The following RASA3 variants were observed in gnomAD, a reference collection of about 807,000 sequenced individuals.
RASA3 encodes the protein RAS p21 protein activator 3.
A neutral mutation model predicts 110.0 loss-of-function variants in RASA3; 73 were observed. The observed-to-expected ratio is 0.66, with a 90% CI of 0.55 to 0.81. RASA3 has a LOEUF of 0.81. Among genes scored for constraint, RASA3 ranks in the 30% least tolerant of loss-of-function variants. The pLI, the probability that RASA3 is intolerant of heterozygous loss-of-function variation, is 0.00. For missense variants in RASA3, 976 were observed against 1,113.2 expected (o/e 0.88, Z 1.75); for synonymous variants, 500 against 451.4 (o/e 1.11, Z -1.37).
rs138066566 is a variant in RASA3 at position 114,009,322 on chromosome 13, TTTAAAAGA to T, written c.1668+57_1668+64del. On this transcript the variant is annotated intron_variant, in intron 17 of 23. Coordinates refer to ENST00000334062, the MANE Select transcript of RASA3 (RefSeq NM_007368.4). ...TGTGTCATGTGGGTTCTATCTCAATTTTAAAAGAGAACTCCGTCTCCTGAGCACGGCAC... is the reference window on the plus strand; with the variant it reads ...TGTGTCATGTGGGTTCTATCTCAATTGAACTCCGTCTCCTGAGCACGGCAC... 1.6e-3 allele frequency: 2,190 copies of T among 1,344,222 alleles called. 22 individuals are homozygous for T. In the African/African-American group the frequency reaches 0.029, roughly 18 times the overall value. The allele number at this position is 1,344,222 out of a possible 1,614,324, so 83.3% of individuals were successfully genotyped here.
chr13:114,012,852 CCACT>C (rs1456914764), intron 15 of RASA3, among the ~76,000 whole-genome samples: 5 of 133,184 alleles, frequency 3.8e-5, no homozygotes, highest in Non-Finnish European at 6.5e-5. Flanking sequence ...CACACACTCC[CCACT>C]CACTCCTCAT....
chr13:114,117,773 CG>C (rs1324182420), intron 1 of RASA3, among the ~76,000 whole-genome samples: 14 of 90,080 alleles, frequency 1.6e-4, no homozygotes, highest in African/African-American at 5.7e-4. Flanking sequence ...TGTGAGAGCA[CG>C]TGTGTGAGGA....
chr13:114,103,129 CTG>C (rs1286062324), intron 1 of RASA3, among the ~76,000 whole-genome samples: 1 of 152,186 alleles, frequency 6.6e-6, no homozygotes, highest in African/African-American at 2.4e-5. Context: ...GTGACTGTTG[CTG>C]TGTCTGGCAG....
chr13:114,042,905 G>A (rs1387313974), intron 3 of RASA3, among the ~76,000 whole-genome samples: 1 of 152,170 alleles, frequency 6.6e-6, no homozygotes, highest in African/African-American at 2.4e-5. Flanking sequence ...CCCCACAGAC[G>A]AGCAGGCCGG....
chr13:114,031,939 G>A (rs2054177673), intron 4 of RASA3, among the ~76,000 whole-genome samples: 2 of 152,114 alleles, frequency 1.3e-5, no homozygotes, highest in Non-Finnish European at 2.9e-5. Context: ...GATGGAGCAG[G>A]GACCTCGCTT....
At chr13:114,109,581 G>A (rs1298038084) in intron 1 of RASA3, among the ~76,000 whole-genome samples, 9 of 152,236 alleles carry the variant, frequency 5.9e-5, no homozygotes, top group Non-Finnish European at 5.9e-5. Context: ...CATGAGGGCC[G>A]CGGAGAGGAG....
chr13:113,995,803 T>TCCGGCTGACG (rs2053231189), intron 21 of RASA3, among the ~76,000 whole-genome samples: 4 of 10,944 alleles, frequency 3.7e-4, no homozygotes, highest in Non-Finnish European at 5.7e-4. Context: ...GTCCGGCTGA[T>TCCGGCTGACG]GGGGGTCCGG....
intron 4 of RASA3, among the ~76,000 whole-genome samples, chr13:114,031,540 GTA>G (rs1180557871): frequency 1.3e-5 from 1 of 74,656 alleles, no homozygotes; most frequent in Admixed American, 1.2e-4. Context: ...GTCCACCTGT[GTA>G]TGTGTGTTTG....
chr13:114,018,463 C>A (rs867023326), intron 10 of RASA3, among the ~76,000 whole-genome samples: 2 of 152,196 alleles, frequency 1.3e-5, no homozygotes, highest in African/African-American at 2.4e-5. Flanking sequence ...TCTAGCGACC[C>A]CCCCATGCAG....
intron 18 of RASA3, among the ~76,000 whole-genome samples, chr13:114,005,120 G>A (rs775733705): frequency 6.6e-5 from 10 of 152,228 alleles, no homozygotes; most frequent in Non-Finnish European, 1.2e-4. Context: ...CTGAGGCCTC[G>A]GAAGGGTGGA....
At chr13:114,016,173 G>T in intron 13 of RASA3, 24 bp downstream of exon 13, 2 of 1,544,070 alleles carry the variant, frequency 1.3e-6, no homozygotes, top group Non-Finnish European at 1.8e-6. Context: ...GACTGGCTTT[G>T]GTTGGTTCAT....
intron 4 of RASA3, among the ~76,000 whole-genome samples, chr13:114,036,842 T>G (rs1011213833): frequency 1.3e-5 from 2 of 151,644 alleles, no homozygotes; most frequent in African/African-American, 2.4e-5. Flanking sequence ...CAGCCTGGAG[T>G]TGAGGTTTTA....
At chr13:114,058,179 C>T (rs1191083248) in intron 2 of RASA3, among the ~76,000 whole-genome samples, 3 of 152,190 alleles carry the variant, frequency 2.0e-5, no homozygotes, top group Non-Finnish European at 2.9e-5. Context: ...TTTGTACCTG[C>T]AAACGGAGCA....
chr13:114,067,786 G>C (rs2079478976), intron 2 of RASA3, among the ~76,000 whole-genome samples: 1 of 152,084 alleles, frequency 6.6e-6, no homozygotes, highest in South Asian at 2.1e-4. Flanking sequence ...CCAAGTGAGG[G>C]TCCCTGGTGA....
chr13:114,001,258 G>A (rs1208083636), intron 18 of RASA3, among the ~76,000 whole-genome samples: 3 of 152,160 alleles, frequency 2.0e-5, no homozygotes, highest in Non-Finnish European at 2.9e-5. Context: ...GCGGACCTGC[G>A]GCCGTGGGCT....
rs1341846551 is a variant in RASA3 at position 114,013,206 on chromosome 13, A to G, written c.1448T>C (p.Phe483Ser). 6.2e-7 allele frequency: 1 copy of G among 1,613,424 alleles called. No individual in the cohort carries two copies. The highest frequency in any genetic ancestry group is 1.7e-5 in the Admixed American group (1 of 59,960). Residue 483 changes from phenylalanine to serine, a missense_variant, in exon 15 of 24, where the codon TTC (phenylalanine) becomes TCC (serine). Phe to Ser is a radical substitution (Grantham distance 155). This residue lies in a region of RASA3 where 732 missense variants were observed against 779.7 expected (regional missense o/e 0.94). Coordinates refer to ENST00000334062, the MANE Select transcript of RASA3 (RefSeq NM_007368.4). ...AATGGCGGGCGCAAAGAACCTCAGG[A>G]AGATGAAGCTGCTCACTGCAGTGTA... is the stretch of plus-strand genomic sequence containing the variant. Reference protein sequence around the residue: ...VRYTAVSSFIFLRFFAPAILS... With the variant: ...VRYTAVSSFISLRFFAPAILS...
Position 113,996,508 on chromosome 13 carries a change from T to C in RASA3, c.2141+23A>G, listed in dbSNP as rs114428677. Reference sequence around the variant, plus strand: ...CACATTTCCTGCACAGTGCACGAGCTGGGCACCGAGGCACAGACCTACCCA... The same window carrying C: ...CACATTTCCTGCACAGTGCACGAGCCGGGCACCGAGGCACAGACCTACCCA... On this transcript the variant is annotated intron_variant, in intron 21 of 23. Coordinates refer to ENST00000334062, the MANE Select transcript of RASA3 (RefSeq NM_007368.4). The C allele has an allele frequency of 1.1e-3, 1,753 of 1,605,166 alleles. 18 individuals are homozygous for C. In the African/African-American group the frequency reaches 0.02, roughly 18 times the overall value.
At chr13:113,995,209 G>T (rs1187448701) in intron 21 of RASA3, among the ~76,000 whole-genome samples, 5 of 152,242 alleles carry the variant, frequency 3.3e-5, no homozygotes, top group African/African-American at 1.2e-4. Flanking sequence ...GGTGGGGACA[G>T]GCCAGGTTTT....
chr13:114,107,321 G>A (rs1464297215), intron 1 of RASA3, among the ~76,000 whole-genome samples: 1 of 151,864 alleles, frequency 6.6e-6, no homozygotes, highest in Non-Finnish European at 1.5e-5. Context: ...ACGGGCCTGT[G>A]TGTCCCTCCT....
Sources: allele counts gnomAD v4.1 joint callset (sites outside exome capture counted in the v4.1 genomes callset), GRCh38; gene constraint gnomAD v4.1.1; regional missense constraint gnomAD v4.1.1; transcripts MANE v1.5; gene names NCBI Gene and HGNC (gene_info 2026-07-23, HGNC 2026-07-21).